The following CAMTA1 variants were observed in gnomAD, a reference collection of about 807,000 sequenced individuals.
CAMTA1 encodes the protein calmodulin binding transcription activator 1.
CAMTA1 carries 27 observed loss-of-function variants against 170.9 expected under a neutral mutation model. The observed-to-expected ratio is 0.16, with a 90% CI of 0.12 to 0.22. CAMTA1 has a LOEUF of 0.22. CAMTA1 is among the 10% of genes least tolerant of loss of function. The probability of loss-of-function intolerance (pLI) is 1.00; values close to 1 mark genes in which losing one functional copy is unlikely to be tolerated. For synonymous variants in CAMTA1, 833 were observed against 891.5 expected (o/e 0.93, Z 1.17); for missense variants, 1,619 against 2,217.2 (o/e 0.73, Z 5.42).
intron 3 of CAMTA1, among the ~76,000 whole-genome samples, chr1:6,947,063 A>G (rs1444412797): frequency 6.6e-6 from 1 of 152,172 alleles, no homozygotes; most frequent in African/African-American, 2.4e-5. Flanking sequence ...TTTGTTGAAA[A>G]GACTCTATTT....
chr1:7,503,246 C>T lies in CAMTA1; in HGVS notation c.510+35345C>T, dbSNP rs550054098. 2.6e-5 allele frequency among the ~76,000 whole-genome samples: 4 copies of T among 152,204 alleles called. No homozygotes were observed. The South Asian group carries it at 6.2e-4, about 24-fold the overall frequency. ...CCCTTGGAGAGTCAGGGCTGGGGGC[C>T]GAGAGCAAGGGTCCAGGGCATGGAG... On this transcript the variant is annotated intron_variant, in intron 6 of 22. Transcript: ENST00000303635.
At chr1:6,985,277 C>T (rs1695172032) in intron 3 of CAMTA1, among the ~76,000 whole-genome samples, 1 of 152,240 alleles carries the variant, frequency 6.6e-6, no homozygotes, top group Non-Finnish European at 1.5e-5. Flanking sequence ...AGAGCTGCTC[C>T]CTGGGCCTGT....
chr1:7,566,264 A>G (rs2095041044), intron 6 of CAMTA1, among the ~76,000 whole-genome samples: 1 of 152,014 alleles, frequency 6.6e-6, no homozygotes, highest in Non-Finnish European at 1.5e-5. Context: ...CTTTCTTTCC[A>G]TTTATAAATG....
chr1:7,564,627 C>T (rs933233184), intron 6 of CAMTA1, among the ~76,000 whole-genome samples: 2 of 151,852 alleles, frequency 1.3e-5, no homozygotes, highest in East Asian at 1.9e-4. Flanking sequence ...CGGGTATGTA[C>T]GTTTGCAGGC....
At chr1:7,438,671 AG>A (rs1405030071) in intron 5 of CAMTA1, among the ~76,000 whole-genome samples, 4 of 152,128 alleles carry the variant, frequency 2.6e-5, no homozygotes, top group African/African-American at 7.2e-5. Context: ...GTCTCCTCCG[AG>A]GGGCAAGGGC....
At chr1:7,211,256 T>C (rs147442891) in intron 4 of CAMTA1, among the ~76,000 whole-genome samples, 1 of 152,356 alleles carries the variant, frequency 6.6e-6, no homozygotes, top group African/African-American at 2.4e-5. Flanking sequence ...CAGCAAAACT[T>C]ACTTACAGTG....
chr1:6,950,773 C>A (rs1195505584), intron 3 of CAMTA1, among the ~76,000 whole-genome samples: 2 of 151,710 alleles, frequency 1.3e-5, no homozygotes, highest in African/African-American at 2.4e-5. Context: ...TCATGTACCA[C>A]AAAGCAGGGA....
At chr1:6,826,129 T>A (rs1004340586) in intron 3 of CAMTA1, among the ~76,000 whole-genome samples, 1 of 152,236 alleles carries the variant, frequency 6.6e-6, no homozygotes, top group African/African-American at 2.4e-5. Context: ...CCTTATTTTT[T>A]AAAGATTCTT....
At position 7,561,734 on chromosome 1, in the gene CAMTA1, G is replaced by A. The variant is rs1360545768; in HGVS notation, c.511-78666G>A. 1.3e-5 allele frequency among the ~76,000 whole-genome samples: 2 copies of A among 151,694 alleles called. No homozygotes were observed. The highest frequency in any genetic ancestry group is 2.4e-5 in the African/African-American group (1 of 41,288). ...GCCACTGTGTTAGATTCTTCACGACGCCTGTCAGAGGCCACCCCTCCCCAG... is the reference window on the plus strand; with the variant it reads ...GCCACTGTGTTAGATTCTTCACGACACCTGTCAGAGGCCACCCCTCCCCAG... On this transcript the variant is annotated intron_variant, in intron 6 of 22. Transcript: ENST00000303635. This position sits in a 1 kb window ranked among gnomAD's most constrained non-coding sequence, Gnocchi z 5.3.
intron 3 of CAMTA1, among the ~76,000 whole-genome samples, chr1:6,982,882 A>G (rs539548385): frequency 6.6e-6 from 1 of 152,326 alleles, no homozygotes; most frequent in African/African-American, 2.4e-5. Flanking sequence ...GGTGGGGACC[A>G]GGCCAATGCA....
intron 7 of CAMTA1, 108 bp downstream of exon 7, chr1:7,640,661 C>T: frequency 7.6e-7 from 1 of 1,310,684 alleles, no homozygotes; most frequent in Admixed American, 1.8e-5. Flanking sequence ...GGTCCGGAGC[C>T]CCATCTTGCT....
intron 3 of CAMTA1, among the ~76,000 whole-genome samples, chr1:6,844,532 A>G (rs1570805040): frequency 6.6e-6 from 1 of 151,056 alleles, no homozygotes; most frequent in African/African-American, 2.4e-5. Context: ...AAAAAAATGC[A>G]AAAATTAGCC....
intron 5 of CAMTA1, among the ~76,000 whole-genome samples, chr1:7,336,280 T>A (rs2083379598): frequency 6.6e-6 from 1 of 152,186 alleles, no homozygotes; most frequent in African/African-American, 2.4e-5. Flanking sequence ...CGTGTGTTCA[T>A]CAGCGCCCAG....
chr1:7,567,219 G>A (rs2150307446), intron 6 of CAMTA1, among the ~76,000 whole-genome samples: 1 of 152,350 alleles, frequency 6.6e-6, no homozygotes, highest in African/African-American at 2.4e-5. Context: ...TGGCAGCGGA[G>A]GAAGGCCACT....
intron 6 of CAMTA1, among the ~76,000 whole-genome samples, chr1:7,540,673 C>G (rs1283690324): frequency 1.3e-5 from 2 of 152,152 alleles, no homozygotes; most frequent in Non-Finnish European, 2.9e-5. Flanking sequence ...ACGTATGGGC[C>G]TAATTGCTGG....
chr1:7,626,849 A>G (rs9660611), intron 6 of CAMTA1, among the ~76,000 whole-genome samples: 35,246 of 152,082 alleles, frequency 0.23, 5,977 homozygotes, highest in African/African-American at 0.48. Context: ...AGAGGAGTAA[A>G]CAGAAGGGTT....
chr1:7,668,675 C>T (rs557032286), intron 9 of CAMTA1, among the ~76,000 whole-genome samples: 1 of 152,270 alleles, frequency 6.6e-6, no homozygotes, highest in African/African-American at 2.4e-5. Context: ...CGGGCTGTTG[C>T]CATGGGAACC....
Position 7,510,940 on chromosome 1 carries a change from C to T in CAMTA1, c.510+43039C>T, listed in dbSNP as rs761206777. On this transcript the variant is annotated intron_variant, in intron 6 of 22. Coordinates refer to ENST00000303635, the MANE Select transcript of CAMTA1 (RefSeq NM_015215.4). The stretch of plus-strand genomic sequence containing the variant: ...CCCATCTGCCTGTCCACATCCTACA[C>T]CCTCCATCGCCCCACTCTAAAGCCA... Among the ~76,000 whole-genome samples, 26 of 145,048 alleles carry T rather than the reference C, an allele frequency of 1.8e-4. 5 individuals are homozygous for T. Among genetic ancestry groups the T allele is most frequent in the Non-Finnish European group, 2.9e-4 (19 of 64,668 alleles).
intron 5 of CAMTA1, among the ~76,000 whole-genome samples, chr1:7,395,888 A>G (rs1298581560): frequency 1.3e-5 from 2 of 152,148 alleles, no homozygotes; most frequent in East Asian, 1.9e-4. Context: ...CACTATTGGC[A>G]TATAAAAAAA....
Sources: gnomAD v4.1 joint callset for allele counts (sites outside exome capture counted in the v4.1 genomes callset) on GRCh38, gnomAD v4.1.1 for gene constraint, Gnocchi (gnomAD v3.1) non-coding constraint, MANE v1.5 for transcripts, NCBI Gene and HGNC (gene_info 2026-07-23, HGNC 2026-07-21) for gene names.